CBARP: variants seen among roughly 807,000 people sequenced by gnomAD.
CBARP encodes CACN subunit beta associated regulatory protein.
CBARP carries 24 observed loss-of-function variants against 36.3 expected under a neutral mutation model. The ratio of observed to expected loss-of-function variants is 0.66; its 90% CI spans 0.48 to 0.93. The LOEUF (loss-of-function observed/expected upper bound fraction) is 0.93, where lower values mean the gene tolerates loss of function less well. CBARP is among the 40% of genes least tolerant of loss of function. The pLI, the probability that CBARP is intolerant of heterozygous loss-of-function variation, is 0.00. For missense variants in CBARP, 1,146 were observed against 980.4 expected, an observed-to-expected ratio of 1.17 and a Z score of -2.26; for synonymous variants, 586 against 453.2, an observed-to-expected ratio of 1.29 and a Z score of -3.72.
chr19:1,235,094 C>T lies in CBARP; in HGVS notation c.362G>A (p.Arg121His), dbSNP rs1202271428. The T allele has an allele frequency of 1.0e-5, 16 of 1,607,582 alleles. No homozygotes were observed. The highest frequency in any genetic ancestry group is 2.2e-5 in the East Asian group (1 of 44,674). The change falls in exon 5 of 10, where the codon CGC becomes CAC. Residue 121 changes from arginine to histidine, a missense_variant. By Grantham distance (29) the Arg-to-His change is conservative. Coordinates refer to ENST00000650044, the MANE Select transcript of CBARP (RefSeq NM_001393918.1). ...DPECQDAETE[R>H]FLSTSSTGRR... ...GCCCGTGGAGCTGGTGGACAGGAAG[C>T]GTTCGGTCTCCGCATCCTGGCACTC...
In CBARP at chr19:1,232,238, C is replaced by G. The variant is rs540036597; in HGVS notation, c.980-963G>C. ...CCCTGGGCCCCATTCATTTCAAGAT[C>G]TGGATTCTCTCAGCTGGAGCGGGGC... On this transcript the variant is annotated intron_variant, in intron 8 of 9. Coordinates refer to ENST00000650044, the MANE Select transcript of CBARP (RefSeq NM_001393918.1). Among the ~76,000 whole-genome samples the G allele has an allele frequency of 2.0e-5, 3 of 152,294 alleles. No homozygotes were observed. In the East Asian group the frequency reaches 5.8e-4, roughly 29 times the overall value.
Position 1,229,792 on chromosome 19 carries a change from T to TC in CBARP, c.1504dup (p.Asp502GlyfsTer303). The TC allele has an allele frequency of 2.0e-6, 2 of 1,013,868 alleles. No homozygotes were observed. The highest frequency in any genetic ancestry group is 2.4e-6 in the Non-Finnish European group (2 of 842,926). The allele number at this position is 1,013,868 out of a possible 1,614,324, so 62.8% of individuals were successfully genotyped here. On this transcript the variant is annotated frameshift_variant, in exon 10 of 10. Transcript: ENST00000650044. LOFTEE classifies it low-confidence loss of function (END_TRUNC). This position sits in a 1 kb window ranked among gnomAD's most constrained non-coding sequence, Gnocchi z 5.1. ...GCCCTCGATGCTGGCGTAGCCACTG[T>TC]CCATCTGCAGCAGCCGGCGCGCCTC...
chr19:1,237,600 G>A (rs905435645), intron 1 of CBARP, among the ~76,000 whole-genome samples, 156 bp downstream of exon 1: 3 of 151,958 alleles, frequency 2.0e-5, no homozygotes, highest in African/African-American at 7.2e-5. Flanking sequence ...GGGTCCCTCT[G>A]GAGGCAGCCG....
intron 9 of CBARP, 63 bp downstream of exon 9, chr19:1,231,038 G>T (rs762186919): frequency 1.3e-6 from 2 of 1,555,630 alleles, no homozygotes; most frequent in East Asian, 2.3e-5. Flanking sequence ...CCGCCTAGGG[G>T]GGGGCGAAGG....
chr19:1,234,757 GGCCATCAGAGCCC>G lies in CBARP; in HGVS notation c.456-28_456-16del, dbSNP rs2080941391. On this transcript the variant is annotated splice_polypyrimidine_tract_variant and intron_variant, in intron 5 of 9. Coordinates refer to ENST00000650044, the MANE Select transcript of CBARP (RefSeq NM_001393918.1). ...TCAGTGTGTACCTGCGACAGCATCT[GGCCATCAGAGCCC>G]GCCCACCTCCCATGCCCGATGCCCC... is the stretch of plus-strand genomic sequence containing the variant. 1 of 1,609,322 alleles carries G rather than the reference GGCCATCAGAGCCC, an allele frequency of 6.2e-7. No homozygotes were observed.
At position 1,229,676 on chromosome 19, in the gene CBARP, T is replaced by C; in HGVS notation, c.1621A>G (p.Ser541Gly). Residue 541 changes from serine (S) to glycine (G), a missense_variant, in exon 10 of 10, where the codon AGC (serine) becomes GGC (glycine). Ser to Gly is a moderately conservative substitution (Grantham distance 56, BLOSUM62 0). Transcript: ENST00000650044. The surrounding 1 kb of genome is among the most constrained non-coding windows in gnomAD (Gnocchi z 5.1). ...AGCGCGTCCGTCTTCTCGTCGATGC[T>C]GTAGTCGCGGCGCGGGCGGCGGGGC... ...AWPRRPRRDY[S>G]IDEKTDALFH... The C allele has an allele frequency of 9.1e-7, 1 of 1,100,476 alleles. No individual in the cohort carries two copies. The highest frequency in any genetic ancestry group is 1.1e-6 in the Non-Finnish European group (1 of 891,056). 68.2% of individuals were successfully genotyped at this position (1,100,476 alleles called of 1,614,324 possible).
At chr19:1,237,609 C>G (rs2080993226) in intron 1 of CBARP, 147 bp downstream of exon 1, 1 of 151,410 alleles carries the variant, frequency 6.6e-6, no homozygotes, top group African/African-American at 2.4e-5. Context: ...TGGAGGCAGC[C>G]GGGTGGGGGG....
intron 5 of CBARP, 41 bp downstream of exon 5, chr19:1,234,960 C>T: frequency 6.3e-7 from 1 of 1,577,604 alleles, no homozygotes. Flanking sequence ...GCCAGGACCT[C>T]AGACAGGCCC....
Position 1,229,966 on chromosome 19 carries a change from A to T in CBARP, c.1331T>A (p.Leu444His). The part of the protein sequence containing the change: ...YRDLWSLRAS[L>H]ELHAAASDHS... ...GTCCGAGGCGGCCGCATGCAGCTCAAGCGAGGCGCGCAGGCTCCACAGGTC... is the reference window on the plus strand; with the variant it reads ...GTCCGAGGCGGCCGCATGCAGCTCATGCGAGGCGCGCAGGCTCCACAGGTC... Residue 444 changes from leucine to histidine, a missense_variant, in exon 10 of 10, where the codon CTT (leucine) becomes CAT (histidine). By Grantham distance (99) the Leu-to-His change is moderately conservative. Transcript: ENST00000650044. The surrounding 1 kb of genome is among the most constrained non-coding windows in gnomAD (Gnocchi z 5.1). The T allele has an allele frequency of 8.2e-7, 1 of 1,214,302 alleles. No homozygotes were observed. Among genetic ancestry groups the T allele is most frequent in the South Asian group, 1.4e-5 (1 of 73,798 alleles). 75.2% of individuals were successfully genotyped at this position (1,214,302 alleles called of 1,614,324 possible).
rs2080946412 is a variant in CBARP at position 1,235,014 on chromosome 19, C to T, written c.442G>A (p.Asp148Asn). Residue 148 changes from aspartate to asparagine, a missense_variant, in exon 5 of 10, where the codon GAC becomes AAC. Asp to Asn is a conservative substitution (Grantham distance 23). Coordinates refer to ENST00000650044, the MANE Select transcript of CBARP (RefSeq NM_001393918.1). ...ALFEQSRKTQ[D>N]KGRRYTLTEG... ...CGCCCCGCTTACCGGCGACCCTTGTCCTGCGTCTTGCGGCTCTGCTCAAAC... is the reference window on the plus strand; with the variant it reads ...CGCCCCGCTTACCGGCGACCCTTGTTCTGCGTCTTGCGGCTCTGCTCAAAC... 1.9e-6 allele frequency: 3 copies of T among 1,608,666 alleles called. No individual in the cohort carries two copies. The highest frequency in any genetic ancestry group is 1.3e-5 in the African/African-American group (1 of 74,940).
At chr19:1,230,604 T>C in intron 9 of CBARP, 1 of 1,204,522 alleles carries the variant, frequency 8.3e-7, no homozygotes, top group Non-Finnish European at 1.0e-6. Context: ...ATACCAGGGC[T>C]GCCCCAGGAA....
chr19:1,235,723 C>G (rs2080960130), intron 3 of CBARP, 56 bp downstream of exon 3: 1 of 1,604,472 alleles, frequency 6.2e-7, no homozygotes, highest in Non-Finnish European at 8.5e-7. Context: ...CCCCCCACCA[C>G]CCGATGGCAC....
intron 8 of CBARP, 46 bp downstream of exon 8, chr19:1,233,380 C>T: frequency 6.6e-7 from 1 of 1,509,782 alleles, no homozygotes; most frequent in Non-Finnish European, 8.9e-7. Flanking sequence ...TGGCAGCCAG[C>T]ACCCAGCCCA....
chr19:1,236,978 C>T (rs1309366103), intron 1 of CBARP, among the ~76,000 whole-genome samples: 1 of 151,880 alleles, frequency 6.6e-6, no homozygotes, highest in Non-Finnish European at 1.5e-5. Flanking sequence ...GAAACTGAGG[C>T]GGGGCGCGGC....
At chr19:1,230,252 C>G in intron 9 of CBARP, 110 bp from the exon 10 acceptor site, 2 of 992,820 alleles carry the variant, frequency 2.0e-6, no homozygotes, top group Middle Eastern at 5.2e-4. Flanking sequence ...ACTTGGGACT[C>G]GGGCGGGCCT....
chr19:1,230,923 G>A, intron 9 of CBARP, 178 bp downstream of exon 9: 1 of 1,580,414 alleles, frequency 6.3e-7, no homozygotes. Flanking sequence ...TCCCTCCTCT[G>A]GTCCATGCTG....
At chr19:1,236,873 G>A (rs1440978185) in intron 1 of CBARP, among the ~76,000 whole-genome samples, 3 of 148,168 alleles carry the variant, frequency 2.0e-5, no homozygotes, top group South Asian at 2.1e-4. Flanking sequence ...GCGGCCTCGG[G>A]GGGGCGGGCG....
At chr19:1,230,773 G>T in intron 9 of CBARP, 1 of 1,374,334 alleles carries the variant, frequency 7.3e-7, no homozygotes, top group Non-Finnish European at 9.4e-7. Context: ...CATGGGCGGG[G>T]CGGGGGTGGG....
Position 1,229,107 on chromosome 19 carries a change from CGT to C in CBARP, c.*70_*71del. The stretch of plus-strand genomic sequence containing the variant: ...TTCGCGTCGGGGCGTCGCGCCCCCA[CGT>C]CTCTCCCGCCGCCGAGGCCCCGTGC... On this transcript the variant is annotated 3_prime_UTR_variant, in exon 10 of 10. Coordinates refer to ENST00000650044, the MANE Select transcript of CBARP (RefSeq NM_001393918.1). The surrounding 1 kb of genome is among the most constrained non-coding windows in gnomAD (Gnocchi z 5.1). 1 of 584,888 alleles carries C rather than the reference CGT, an allele frequency of 1.7e-6. No individual in the cohort carries two copies. The highest frequency in any genetic ancestry group is 8.4e-4 in the Middle Eastern group (1 of 1,184). The allele number at this position is 584,888 out of a possible 1,614,324, so 36.2% of individuals were successfully genotyped here. A position where few individuals can be genotyped will look rare whatever the true frequency, so the allele number is the denominator to read the frequency against.
Sources: allele counts gnomAD v4.1 joint callset (sites outside exome capture counted in the v4.1 genomes callset), GRCh38; gene constraint gnomAD v4.1.1; non-coding constraint Gnocchi (gnomAD v3.1); transcripts MANE v1.5; gene names NCBI Gene and HGNC (gene_info 2026-07-23, HGNC 2026-07-21).